CDH8: variants seen among roughly 807,000 people sequenced by gnomAD.
CDH8 encodes the protein cadherin-8.
CDH8 carries 17 observed loss-of-function variants against 68.1 expected under a neutral mutation model. That is an observed-to-expected ratio of 0.25 (90% CI 0.17 to 0.37). CDH8 has a LOEUF of 0.37. CDH8 is among the 10% of genes least tolerant of loss of function. The pLI is 1.00. For synonymous variants in CDH8, 372 were observed against 365.1 expected, an observed-to-expected ratio of 1.02 and a Z score of -0.21; for missense variants, 763 against 999.3, an observed-to-expected ratio of 0.76 and a Z score of 3.19.
chr16:61,973,029 T>A (rs1012418979), intron 2 of CDH8, among the ~76,000 whole-genome samples: 1 of 152,224 alleles, frequency 6.6e-6, no homozygotes, highest in Admixed American at 6.5e-5. Flanking sequence ...TTCTGAGGCT[T>A]AGATAACTAC....
At chr16:61,804,237 G>A (rs199789698) in intron 7 of CDH8, among the ~76,000 whole-genome samples, 53,175 of 150,948 alleles carry the variant, frequency 0.35, 9,691 homozygotes, top group Middle Eastern at 0.44. Context: ...GTAACGAAAT[G>A]AAGGCAGAAA....
At chr16:61,673,858 A>G (rs1963843613) in intron 10 of CDH8, among the ~76,000 whole-genome samples, 1 of 152,182 alleles carries the variant, frequency 6.6e-6, no homozygotes, top group Non-Finnish European at 1.5e-5. Flanking sequence ...AAAAGTGAAT[A>G]CTAGAGTGGA....
At chr16:61,663,710 T>C (rs1354964850) in intron 10 of CDH8, among the ~76,000 whole-genome samples, 1 of 152,038 alleles carries the variant, frequency 6.6e-6, no homozygotes, top group African/African-American at 2.4e-5. Context: ...GCAATGAATA[T>C]CTATCTGTCT....
At chr16:61,940,079 C>A (rs1293443161) in intron 2 of CDH8, among the ~76,000 whole-genome samples, 1 of 152,132 alleles carries the variant, frequency 6.6e-6, no homozygotes, top group Admixed American at 6.5e-5. Context: ...CAAAAATAAT[C>A]AATATCAAAG....
At chr16:61,996,552 T>C (rs1229726383) in intron 2 of CDH8, among the ~76,000 whole-genome samples, 1 of 152,212 alleles carries the variant, frequency 6.6e-6, no homozygotes, top group African/African-American at 2.4e-5. Flanking sequence ...CAGCTTTCAT[T>C]CTAAATTCTG....
In CDH8 at chr16:61,648,131, C is replaced by T. The variant is rs752685603; in HGVS notation, c.*5477G>A. 1 of 308,534 alleles carries T rather than the reference C, an allele frequency of 3.2e-6. No homozygotes were observed. The highest frequency in any genetic ancestry group is 6.9e-5 in the South Asian group (1 of 14,452). 19.1% of individuals were successfully genotyped at this position (308,534 alleles called of 1,614,324 possible). A position where few individuals can be genotyped will look rare whatever the true frequency, so the allele number is the denominator to read the frequency against. On this transcript the variant is annotated 3_prime_UTR_variant, in exon 12 of 12. Transcript: ENST00000577390. Reference sequence around the variant, plus strand: ...ACAACATTACAACTCAGGAGATGACCCCAAATACCAGCATGTAATTTCTGT... The same window carrying T: ...ACAACATTACAACTCAGGAGATGACTCCAAATACCAGCATGTAATTTCTGT...
At chr16:61,692,490 A>G (rs1219436521) in intron 10 of CDH8, 1 of 151,156 alleles carries the variant, frequency 6.6e-6, no homozygotes, top group Non-Finnish European at 1.5e-5. Context: ...CACCAAAAGC[A>G]TGTGTGTTTA....
At chr16:61,759,364 G>A (rs1360501155) in intron 8 of CDH8, among the ~76,000 whole-genome samples, 1 of 151,606 alleles carries the variant, frequency 6.6e-6, no homozygotes, top group Non-Finnish European at 1.5e-5. Flanking sequence ...AGGAGGAAGA[G>A]GAGGAGGAGG....
intron 2 of CDH8, among the ~76,000 whole-genome samples, chr16:61,906,454 T>G (rs1964063699): frequency 6.6e-6 from 1 of 152,216 alleles, no homozygotes; most frequent in Non-Finnish European, 1.5e-5. Context: ...CCCAGTCATA[T>G]ACAGTAAGCC....
intron 1 of CDH8, among the ~76,000 whole-genome samples, chr16:62,028,807 A>G (rs187527651): frequency 1.3e-5 from 2 of 152,136 alleles, no homozygotes; most frequent in Admixed American, 1.3e-4. Context: ...GTGGCCAGAA[A>G]GTCATTTCTC....
At position 61,653,842 on chromosome 16, in the gene CDH8, A is replaced by G. The variant is rs545108725; in HGVS notation, c.2166T>C (p.Asp722=). ...LAPVPNGVDV[D]EFINVRLHEA... ...CATGCAGCCTTACATTTATAAATTC[A>G]TCGACATCAACACCATTTGGAACTG... is the stretch of plus-strand genomic sequence containing the variant. The change falls in exon 12 of 12, where the codon GAT becomes GAC. Residue 722 remains aspartate (D), a synonymous_variant. Transcript: ENST00000577390. 200 of 1,614,188 alleles carry G rather than the reference A, an allele frequency of 1.2e-4. 1 individual carries two copies. In the Middle Eastern group the frequency reaches 1.3e-3, roughly 11 times the overall value.
chr16:61,697,100 G>A (rs1380251529), intron 10 of CDH8, among the ~76,000 whole-genome samples: 1 of 152,146 alleles, frequency 6.6e-6, no homozygotes, highest in East Asian at 1.9e-4. Context: ...AATAAAGGTT[G>A]TAGAAAAATA....
chr16:61,986,545 G>T (rs186380691), intron 2 of CDH8, among the ~76,000 whole-genome samples: 187 of 152,238 alleles, frequency 1.2e-3, no homozygotes, highest in African/African-American at 4.3e-3. Flanking sequence ...CACTTTGAGG[G>T]GCTTGATGAC....
chr16:61,782,759 C>T (rs1961111115), intron 8 of CDH8, among the ~76,000 whole-genome samples: 1 of 152,180 alleles, frequency 6.6e-6, no homozygotes, highest in African/African-American at 2.4e-5. Flanking sequence ...GGCAGACTGC[C>T]TCCTCAAGTG....
chr16:61,650,713 G>C lies in CDH8; in HGVS notation c.*2895C>G, dbSNP rs1164688902. 3 of 116,870 alleles carry C rather than the reference G, an allele frequency of 2.6e-5. No individual in the cohort carries two copies. Among genetic ancestry groups the C allele is most frequent in the Admixed American group, 1.6e-4 (2 of 12,784 alleles). 7.2% of individuals were successfully genotyped at this position (116,870 alleles called of 1,614,324 possible). A position where few individuals can be genotyped will look rare whatever the true frequency, so the allele number is the denominator to read the frequency against. On this transcript the variant is annotated 3_prime_UTR_variant, in exon 12 of 12. Transcript: ENST00000577390. ...TGTGTGTGTGTGTGTGTGTGAGAGA[G>C]AGAGAGAGAGAGAGAGAGAAAGAGA...
intron 2 of CDH8, among the ~76,000 whole-genome samples, chr16:62,003,070 T>C (rs956228168): frequency 6.6e-6 from 1 of 151,716 alleles, no homozygotes; most frequent in Non-Finnish European, 1.5e-5. Context: ...AAATCAGAAA[T>C]GTTTGGCACA....
At chr16:61,757,392 ATACT>A (rs1183089741) in intron 8 of CDH8, among the ~76,000 whole-genome samples, 3 of 152,088 alleles carry the variant, frequency 2.0e-5, no homozygotes, top group Non-Finnish European at 4.4e-5. Context: ...ATATCTATTA[ATACT>A]TAATGATAAA....
chr16:61,681,479 A>G (rs1381218259), intron 10 of CDH8, among the ~76,000 whole-genome samples: 1 of 151,922 alleles, frequency 6.6e-6, no homozygotes, highest in East Asian at 1.9e-4. Context: ...AGGCAAATTT[A>G]TAGAGACAGA....
rs1364086386 is a variant in CDH8 at position 61,960,242 on chromosome 16, T to TGTGTGTGTATACACACATATATAC, written c.253-58770_253-58769insGTATATATGTGTGTATACACACAC. ...GTGTGTATACACACATATATACATG[T>TGTGTGTGTATACACACATATATAC]GTGTGTGTATACACATACATATATA... On this transcript the variant is annotated intron_variant, in intron 2 of 11. Coordinates refer to ENST00000577390, the MANE Select transcript of CDH8 (RefSeq NM_001796.5). Among the ~76,000 whole-genome samples, 22 of 65,230 alleles carry TGTGTGTGTATACACACATATATAC rather than the reference T, an allele frequency of 3.4e-4. 3 individuals are homozygous for TGTGTGTGTATACACACATATATAC. Among genetic ancestry groups the TGTGTGTGTATACACACATATATAC allele is most frequent in the Non-Finnish European group, 5.8e-4 (21 of 36,314 alleles). 42.8% of individuals were successfully genotyped at this position (65,230 alleles called of 152,430 possible).
Sources: allele counts gnomAD v4.1 joint callset (sites outside exome capture counted in the v4.1 genomes callset), GRCh38; gene constraint gnomAD v4.1.1; transcripts MANE v1.5; gene names NCBI Gene and HGNC (gene_info 2026-07-23, HGNC 2026-07-21).